The following RREB1 variants were observed in gnomAD, a reference collection of about 807,000 sequenced individuals.
The protein encoded by RREB1 is ras responsive element binding protein 1.
In RREB1, 27 loss-of-function variants were observed where a neutral mutation model predicts 117.8. The observed-to-expected ratio is 0.23, with a 90% CI of 0.17 to 0.32. The LOEUF (loss-of-function observed/expected upper bound fraction) is 0.32, where lower values mean the gene tolerates loss of function less well. RREB1 is among the 10% of genes least tolerant of loss of function. The probability of loss-of-function intolerance (pLI) is 1.00; values close to 1 mark genes in which losing one functional copy is unlikely to be tolerated. For missense variants in RREB1, 2,577 were observed against 2,378.2 expected, an observed-to-expected ratio of 1.08 and a Z score of -1.74; for synonymous variants, 1,298 against 1,026.7, an observed-to-expected ratio of 1.26 and a Z score of -5.05.
At chr6:7,159,598 G>A (rs1170303279) in intron 1 of RREB1, among the ~76,000 whole-genome samples, 1 of 152,182 alleles carries the variant, frequency 6.6e-6, no homozygotes, top group Admixed American at 6.5e-5. Flanking sequence ...ATATCAAAAC[G>A]CTGATGAGAT....
chr6:7,147,123 T>C (rs926118469), intron 1 of RREB1, among the ~76,000 whole-genome samples: 7 of 152,188 alleles, frequency 4.6e-5, no homozygotes, highest in African/African-American at 1.7e-4. Flanking sequence ...GTGTCCTCTC[T>C]GGATTCTCCC....
At chr6:7,112,872 C>CAG (rs1266782714) in intron 1 of RREB1, among the ~76,000 whole-genome samples, 4 of 152,150 alleles carry the variant, frequency 2.6e-5, no homozygotes, top group Non-Finnish European at 1.5e-5. Flanking sequence ...GAACTGCAGC[C>CAG]GAGTGTAGCT....
intron 7 of RREB1, 149 bp from the exon 8 acceptor site, chr6:7,211,424 A>ATG: frequency 1.5e-6 from 1 of 656,136 alleles, no homozygotes. Context: ...GTGTGAATGA[A>ATG]TGAATGGTCA....
At chr6:7,223,142 G>T (rs545188540) in intron 8 of RREB1, among the ~76,000 whole-genome samples, 3 of 151,624 alleles carry the variant, frequency 2.0e-5, no homozygotes, top group African/African-American at 7.3e-5. Flanking sequence ...TATAGTCCCA[G>T]CTATGAAGGG....
chr6:7,129,963 A>G (rs1405469337), intron 1 of RREB1, among the ~76,000 whole-genome samples: 1 of 152,212 alleles, frequency 6.6e-6, no homozygotes, highest in Non-Finnish European at 1.5e-5. Context: ...GAGTGGAGCT[A>G]CGGGTCAGTC....
intron 1 of RREB1, among the ~76,000 whole-genome samples, chr6:7,109,540 C>G (rs1037938612): frequency 1.4e-4 from 21 of 152,090 alleles, no homozygotes; most frequent in Non-Finnish European, 2.8e-4. Context: ...AGCTGGGGGA[C>G]GCGGGGACCC....
intron 1 of RREB1, among the ~76,000 whole-genome samples, chr6:7,114,476 G>GT (rs920167145): frequency 1.3e-5 from 2 of 151,864 alleles, no homozygotes; most frequent in Admixed American, 6.6e-5. Context: ...GGTGGGGGGG[G>GT]GGGCGGCAGC....
chr6:7,133,729 G>T (rs764905634), intron 1 of RREB1, among the ~76,000 whole-genome samples: 20 of 151,898 alleles, frequency 1.3e-4, no homozygotes, highest in Non-Finnish European at 5.9e-5. Context: ...CATAATAGAA[G>T]AATTATAAAT....
rs76430868 is a variant in RREB1, at chr6:7,229,758, A to G, written c.1659A>G (p.Ser553=). The change falls in exon 10 of 13, where the codon TCA becomes TCG. Residue 553 remains serine (S), a synonymous_variant. Coordinates refer to ENST00000379938, the MANE Select transcript of RREB1 (RefSeq NM_001003699.4). This position sits in a 1 kb window ranked among gnomAD's most constrained non-coding sequence, Gnocchi z 4.5. ...PPPPLKLLKG[S]VEAASNAHLL... is the part of the protein sequence containing the mutation. ...CGCCCCTGAAGCTCCTCAAAGGCTC[A>G]GTGGAGGCGGCCTCCAACGCCCACC... The G allele has an allele frequency of 6.1e-4, 980 of 1,605,258 alleles. 7 individuals are homozygous for G. The East Asian group carries it at 0.02, about 32-fold the overall frequency.
intron 1 of RREB1, among the ~76,000 whole-genome samples, chr6:7,147,521 G>T (rs1762925041): frequency 6.6e-6 from 1 of 152,156 alleles, no homozygotes; most frequent in Non-Finnish European, 1.5e-5. Flanking sequence ...GGGACAAGAT[G>T]AGCCCTTTCT....
At chr6:7,217,170 G>A (rs1017673120) in intron 8 of RREB1, 25 of 152,426 alleles carry the variant, frequency 1.6e-4, no homozygotes, top group African/African-American at 5.3e-4. Context: ...GGGCAGGGGA[G>A]GGTGGGCTGA....
chr6:7,156,146 G>A (rs557401625), intron 1 of RREB1, among the ~76,000 whole-genome samples: 10 of 152,198 alleles, frequency 6.6e-5, no homozygotes, highest in Non-Finnish European at 8.8e-5. Flanking sequence ...TAGACTTTTC[G>A]TTTGAGAAGC....
intron 10 of RREB1, 97 bp downstream of exon 10, chr6:7,232,004 C>G: frequency 1.6e-6 from 2 of 1,276,558 alleles, no homozygotes; most frequent in Non-Finnish European, 2.2e-6. Flanking sequence ...CCCACAGTTC[C>G]AGTTATTCCT....
intron 10 of RREB1, among the ~76,000 whole-genome samples, chr6:7,234,693 TGTTCTTG>T (rs1360210334): frequency 6.6e-6 from 1 of 152,248 alleles, no homozygotes; most frequent in Non-Finnish European, 1.5e-5. Flanking sequence ...TACCATAATA[TGTTCTTG>T]GTAGAGCTAG....
At chr6:7,160,219 A>C (rs1002253775) in intron 1 of RREB1, among the ~76,000 whole-genome samples, 1 of 152,038 alleles carries the variant, frequency 6.6e-6, no homozygotes, top group Admixed American at 6.5e-5. Context: ...CAGCAAATTA[A>C]AAAAAATTTT....
intron 1 of RREB1, among the ~76,000 whole-genome samples, chr6:7,123,877 C>T (rs1761790750): frequency 6.6e-6 from 1 of 152,140 alleles, no homozygotes; most frequent in Non-Finnish European, 1.5e-5. Context: ...TCCCAAAGTA[C>T]TGGGATTACA....
At chr6:7,134,895 A>G (rs1762287976) in intron 1 of RREB1, among the ~76,000 whole-genome samples, 1 of 152,246 alleles carries the variant, frequency 6.6e-6, no homozygotes, top group Admixed American at 6.5e-5. Flanking sequence ...TTAGGAAGAT[A>G]TATTTTCTTC....
chr6:7,109,304 C>G (rs939719561), intron 1 of RREB1, among the ~76,000 whole-genome samples: 2 of 152,124 alleles, frequency 1.3e-5, no homozygotes, highest in Non-Finnish European at 2.9e-5. Context: ...CCCCCGCGCC[C>G]CCTCCCCGCT....
rs557191789 is a variant in RREB1 at position 7,204,060 on chromosome 6, C to A, written c.426-6744C>A. Among the ~76,000 whole-genome samples, 3 of 152,342 alleles carry A rather than the reference C, an allele frequency of 2.0e-5. No homozygotes were observed. In the South Asian group the frequency reaches 6.2e-4, roughly 32 times the overall value. On this transcript the variant is annotated intron_variant, in intron 6 of 12. Coordinates refer to ENST00000379938, the MANE Select transcript of RREB1 (RefSeq NM_001003699.4). ...TGACGGCATTCCCACAGCGAGCCTACAGACTGTGGGTTTACACTTCATGCC... is the reference window on the plus strand; with the variant it reads ...TGACGGCATTCCCACAGCGAGCCTAAAGACTGTGGGTTTACACTTCATGCC...
Sources: gnomAD v4.1 joint callset for allele counts (sites outside exome capture counted in the v4.1 genomes callset) on GRCh38, gnomAD v4.1.1 for gene constraint, Gnocchi (gnomAD v3.1) non-coding constraint, MANE v1.5 for transcripts, NCBI Gene and HGNC (gene_info 2026-07-23, HGNC 2026-07-21) for gene names.